Variants in RESF1 observed in about 807,000 individuals in gnomAD.
The protein encoded by RESF1 is retroelement silencing factor 1, also known as gonad expressed transcript.
In RESF1, 65 loss-of-function variants were observed where a neutral mutation model predicts 134.7. The observed-to-expected ratio is 0.48, with a 90% CI of 0.40 to 0.59. The LOEUF (loss-of-function observed/expected upper bound fraction) is 0.59. RESF1 is among the 20% of genes least tolerant of loss of function. The pLI is 0.00. For missense variants in RESF1, 2,274 were observed against 2,002.7 expected (o/e 1.14, Z -2.59); for synonymous variants, 762 against 702.2 (o/e 1.09, Z -1.35).
At position 31,982,074 on chromosome 12, in the gene RESF1, GGATTC is replaced by G; in HGVS notation, c.1120_1124del (p.Asp374LeufsTer23). 6.2e-7 allele frequency: 1 copy of G among 1,614,036 alleles called. No homozygotes were observed. The highest frequency in any genetic ancestry group is 8.5e-7 in the Non-Finnish European group (1 of 1,180,022). ...CTCAAACTAATGAAGAGAAAATAAT[GGATTC>G]TTGCAATCCAACTTCAAATCAAGTA... On this transcript the variant is annotated frameshift_variant, in exon 4 of 6. Transcript: ENST00000312561. LOFTEE classifies it high-confidence loss of function.
At chr12:31,979,312 G>T (rs1378425148) in intron 3 of RESF1, among the ~76,000 whole-genome samples, 2 of 152,148 alleles carry the variant, frequency 1.3e-5, no homozygotes, top group Admixed American at 1.3e-4. Context: ...ATTTGATTCA[G>T]TTCTGACACT....
At chr12:31,964,132 T>C (rs1939341464) in intron 2 of RESF1, among the ~76,000 whole-genome samples, 1 of 152,230 alleles carries the variant, frequency 6.6e-6, no homozygotes, top group South Asian at 2.1e-4. Flanking sequence ...CACTTTATTT[T>C]TTATTTAACT....
chr12:31,963,373 A>T (rs78463160), intron 2 of RESF1, among the ~76,000 whole-genome samples: 1 of 151,804 alleles, frequency 6.6e-6, no homozygotes, highest in African/African-American at 2.4e-5. Flanking sequence ...ATGGAGCACA[A>T]CCTTTGGGTT....
Position 31,983,437 on chromosome 12 carries a change from TCAAC to T in RESF1, c.2486_2489del (p.Thr829ArgfsTer5), listed in dbSNP as rs1275759508. The T allele has an allele frequency of 6.2e-7, 1 of 1,614,068 alleles. No individual in the cohort carries two copies. The highest frequency in any genetic ancestry group is 8.5e-7 in the Non-Finnish European group (1 of 1,179,990). ...TGGACCAGTAGCAAGTACAGCAACATCAACCAAGATTTTTCCACTAACTCAGAAG... is the reference window on the plus strand; with the variant it reads ...TGGACCAGTAGCAAGTACAGCAACATCAAGATTTTTCCACTAACTCAGAAG... On this transcript the variant is annotated frameshift_variant, in exon 4 of 6. Coordinates refer to ENST00000312561, the MANE Select transcript of RESF1 (RefSeq NM_018169.4). LOFTEE classifies it high-confidence loss of function.
intron 3 of RESF1, among the ~76,000 whole-genome samples, chr12:31,976,758 C>A (rs1430896149): frequency 6.6e-6 from 1 of 151,942 alleles, no homozygotes; most frequent in Non-Finnish European, 1.5e-5. Flanking sequence ...AGGTGTTTAT[C>A]CTCATCACAT....
chr12:31,965,889 C>CAAAA lies in RESF1; in HGVS notation c.-246-4285_-246-4282dup, dbSNP rs10665492. Among the ~76,000 whole-genome samples, 233 of 114,012 alleles carry CAAAA rather than the reference C, an allele frequency of 2.0e-3. 3 individuals carry two copies. The highest frequency in any genetic ancestry group is 7.2e-3 in the African/African-American group (215 of 29,930). 74.8% of individuals were successfully genotyped at this position (114,012 alleles called of 152,430 possible). On this transcript the variant is annotated intron_variant, in intron 2 of 5. Transcript: ENST00000312561. The stretch of plus-strand genomic sequence containing the variant: ...CTGGTGACAGAGCGAGACTTCGTCT[C>CAAAA]AAAAAAAAAAAAAAAAAAGAAGTGA...
intron 1 of RESF1, among the ~76,000 whole-genome samples, chr12:31,960,327 TGGCGGGCGGGTGCATTTCAGTA>T (rs1939232089): frequency 1.3e-5 from 2 of 152,166 alleles, no homozygotes; most frequent in Non-Finnish European, 2.9e-5. Context: ...TTTCATTTAG[TGGCGGGCGGGTGCATTTCAGTA>T]GGCGGGCCGC....
intron 3 of RESF1, among the ~76,000 whole-genome samples, chr12:31,976,271 C>T (rs576953040): frequency 6.6e-6 from 1 of 152,260 alleles, no homozygotes; most frequent in South Asian, 2.1e-4. Flanking sequence ...TAAAAAAAAT[C>T]CACATTTAAC....
At chr12:31,988,803 T>C (rs1177781668) in intron 5 of RESF1, among the ~76,000 whole-genome samples, 1 of 152,070 alleles carries the variant, frequency 6.6e-6, no homozygotes, top group African/African-American at 2.4e-5. Flanking sequence ...GCAATTCTTC[T>C]GCCTCAGCCT....
chr12:31,967,760 G>A (rs1354119978), intron 2 of RESF1, among the ~76,000 whole-genome samples: 3 of 152,092 alleles, frequency 2.0e-5, no homozygotes, highest in Non-Finnish European at 2.9e-5. Flanking sequence ...ACCACCCAGC[G>A]TGGAAGAATA....
rs1455306347 is a variant in RESF1 at position 31,981,712 on chromosome 12, G to A, written c.757G>A (p.Val253Ile). ...QVKNSQLLNS[V>I]LTLPSRQTSA... ...TAAAAATAGTCAGCTTCTAAATTCTGTATTAACTTTACCATCAAGGCAGAC... is the reference window on the plus strand; with the variant it reads ...TAAAAATAGTCAGCTTCTAAATTCTATATTAACTTTACCATCAAGGCAGAC... The change falls in exon 4 of 6, where the codon GTA becomes ATA. Residue 253 changes from valine (V) to isoleucine (I), a missense_variant. By Grantham distance (29) the Val-to-Ile change is conservative. Coordinates refer to ENST00000312561, the MANE Select transcript of RESF1 (RefSeq NM_018169.4). The A allele has an allele frequency of 1.2e-6, 2 of 1,613,580 alleles. No individual in the cohort carries two copies. Among genetic ancestry groups the A allele is most frequent in the East Asian group, 2.2e-5 (1 of 44,884 alleles).
At chr12:31,972,989 TTC>T (rs1461923481) in intron 3 of RESF1, among the ~76,000 whole-genome samples, 4 of 152,220 alleles carry the variant, frequency 2.6e-5, no homozygotes, top group African/African-American at 9.6e-5. Context: ...TCTTTGTTTT[TTC>T]TGTTTTTAAT....
Position 31,985,616 on chromosome 12 carries a change from A to G in RESF1, c.4661A>G (p.Lys1554Arg), listed in dbSNP as rs1367214709. ...GATAAAATATGGATTGATAAGACTA[A>G]ATTAGACAAATTAACCAATATAAGC... ...QPDKIWIDKT[K>R]LDKLTNISNE... is the part of the protein sequence containing the mutation. Residue 1554 changes from lysine (K) to arginine (R), a missense_variant, in exon 4 of 6, where the codon AAA (lysine) becomes AGA (arginine). Lys to Arg is a conservative substitution (Grantham distance 26, BLOSUM62 2). Coordinates refer to ENST00000312561, the MANE Select transcript of RESF1 (RefSeq NM_018169.4). 6.2e-7 allele frequency: 1 copy of G among 1,608,160 alleles called. No individual in the cohort carries two copies. The highest frequency in any genetic ancestry group is 2.2e-5 in the East Asian group (1 of 44,888).
In RESF1 at chr12:31,985,820, C is replaced by T. The variant is rs151001297; in HGVS notation, c.4865C>T (p.Pro1622Leu). The T allele has an allele frequency of 5.5e-5, 86 of 1,564,414 alleles. 1 individual carries two copies. The highest frequency in any genetic ancestry group is 2.8e-4 in the African/African-American group (20 of 72,220). Residue 1622 changes from proline to leucine, a missense_variant, in exon 4 of 6, where the codon CCG (proline) becomes CTG (leucine). Physicochemically the swap from Pro to Leu is moderately conservative, Grantham distance 98. Coordinates refer to ENST00000312561, the MANE Select transcript of RESF1 (RefSeq NM_018169.4). ...GAAAATAAACATAAGACCTTTTTAC[C>T]GGTGAAAGGTAACACAGAAAAATCA... Reference protein sequence around the residue: ...RQENKHKTFLPVKGNTEKSNM... With the variant: ...RQENKHKTFLLVKGNTEKSNM...
intron 2 of RESF1, among the ~76,000 whole-genome samples, chr12:31,967,632 C>T (rs565485249): frequency 6.6e-6 from 1 of 151,194 alleles, no homozygotes; most frequent in Non-Finnish European, 1.5e-5. Context: ...CCCCACCCCC[C>T]ACAACACCAG....
intron 4 of RESF1, among the ~76,000 whole-genome samples, chr12:31,986,884 G>T (rs1939984483): frequency 6.6e-6 from 1 of 152,286 alleles, no homozygotes; most frequent in Admixed American, 6.5e-5. Context: ...ATTTCAATAG[G>T]TTCTTTCATT....
chr12:31,990,487 G>A (rs767306635), intron 5 of RESF1, among the ~76,000 whole-genome samples: 4 of 151,984 alleles, frequency 2.6e-5, no homozygotes, highest in Non-Finnish European at 2.9e-5. Flanking sequence ...TCGCTGTGTC[G>A]CCCAGGCTGG....
rs1293908384 is a variant in RESF1 at position 31,981,126 on chromosome 12, T to C, written c.171T>C (p.Asn57=). The C allele has an allele frequency of 1.4e-5, 23 of 1,614,048 alleles. No homozygotes were observed. In the East Asian group the frequency reaches 4.9e-4, roughly 34 times the overall value. Residue 57 remains asparagine, a synonymous_variant, in exon 4 of 6, where the codon AAT becomes AAC. Transcript: ENST00000312561. ...QEACMYPGNS[N]PISQPLLNIQ... is the part of the protein sequence containing the mutation. ...CATGCATGTATCCCGGTAATTCAAA[T>C]CCAATTTCACAGCCACTGCTGAATA...
chr12:31,985,643 A>G lies in RESF1; in HGVS notation c.4688A>G (p.Asn1563Ser), dbSNP rs1939954263. 11 of 1,612,750 alleles carry G rather than the reference A, an allele frequency of 6.8e-6. No homozygotes were observed. Among genetic ancestry groups the G allele is most frequent in the Non-Finnish European group, 9.3e-6 (11 of 1,179,710 alleles). ...TKLDKLTNIS[N>S]EAQFSQMPPQ... The stretch of plus-strand genomic sequence containing the variant: ...TTAGACAAATTAACCAATATAAGCA[A>G]CGAAGCTCAATTCAGCCAAATGCCT... Residue 1563 changes from asparagine to serine, a missense_variant, in exon 4 of 6, where the codon AAC becomes AGC. Asn to Ser is a conservative substitution (Grantham distance 46, BLOSUM62 1). Transcript: ENST00000312561.
Sources: allele counts gnomAD v4.1 joint callset (sites outside exome capture counted in the v4.1 genomes callset), GRCh38; gene constraint gnomAD v4.1.1; transcripts MANE v1.5; gene names NCBI Gene and HGNC (gene_info 2026-07-23, HGNC 2026-07-21).